Variants in LAMB4 observed in about 807,000 individuals in gnomAD.
LAMB4 encodes laminin subunit beta 4.
Under a neutral mutation model 199.2 loss-of-function variants are expected in LAMB4, and 196 were observed. That is an observed-to-expected ratio of 0.98 (90% confidence interval 0.88 to 1.11). The LOEUF is 1.11. Ranked by LOEUF, LAMB4 falls within the 50% of genes least tolerant of loss-of-function variation. LAMB4 has a pLI of 0.00. For synonymous variants in LAMB4, 744 were observed against 770.6 expected (o/e 0.97, Z 0.57); for missense variants, 2,080 against 2,171.2 (o/e 0.96, Z 0.83).
Position 108,043,555 on chromosome 7 carries a change from T to G in LAMB4, c.4471+197A>C, listed in dbSNP as rs1418333821. Among the ~76,000 whole-genome samples the G allele has an allele frequency of 2.6e-4, 3 of 11,432 alleles. 1 individual carries two copies. Among genetic ancestry groups the G allele is most frequent in the African/African-American group, 1.3e-3 (1 of 746 alleles). 7.5% of individuals were successfully genotyped at this position (11,432 alleles called of 152,430 possible). A position where few individuals can be genotyped will look rare whatever the true frequency, so the allele number is the denominator to read the frequency against. On this transcript the variant is annotated intron_variant, in intron 29 of 33. Coordinates refer to ENST00000388781, the MANE Select transcript of LAMB4 (RefSeq NM_007356.3). ...GGAACTGGCTATGATGTTTTTTTTT[T>G]TTTTTTTTTTTTTTTTTTTTTTTTT... is the stretch of plus-strand genomic sequence containing the variant.
At chr7:108,067,982 G>A (rs1195164237) in intron 19 of LAMB4, 34 bp downstream of exon 19, 4 of 1,613,606 alleles carry the variant, frequency 2.5e-6, no homozygotes, top group Non-Finnish European at 3.4e-6. Flanking sequence ...AAGACTGTGA[G>A]CAAGTGTTTC....
intron 11 of LAMB4, among the ~76,000 whole-genome samples, chr7:108,095,954 T>C (rs1040986144): frequency 5.9e-5 from 9 of 152,222 alleles, no homozygotes; most frequent in Non-Finnish European, 1.3e-4. Context: ...CTCTGTACAA[T>C]AGTATGTTAT....
At chr7:108,076,829 A>C in intron 17 of LAMB4, 115 bp downstream of exon 17, 1 of 1,207,508 alleles carries the variant, frequency 8.3e-7, no homozygotes, top group Non-Finnish European at 1.2e-6. Flanking sequence ...GGTGGCTTTT[A>C]TAATTGAGCA....
chr7:108,100,252 T>A (rs1297387096), intron 10 of LAMB4, among the ~76,000 whole-genome samples: 1 of 152,224 alleles, frequency 6.6e-6, no homozygotes, highest in Non-Finnish European at 1.5e-5. Context: ...TAGTTGAGTC[T>A]ACCAAATCTT....
Position 108,079,766 on chromosome 7 carries a change from C to A in LAMB4, c.1722G>T (p.Gln574His). 6.3e-7 allele frequency: 1 copy of A among 1,598,704 alleles called. No homozygotes were observed. The stretch of plus-strand genomic sequence containing the variant: ...CTAAAACAACGTGAACAGCAGGACT[C>A]TGGCCAAACGTCTCCGAGCCCTAAA... ...LAPLGSETFGQSPAVHVVLGE... is the reference protein window; with the variant it reads ...LAPLGSETFGHSPAVHVVLGE... Residue 574 changes from glutamine to histidine, a missense_variant, in exon 15 of 34, where the codon CAG becomes CAT. Physicochemically the swap from Gln to His is conservative, Grantham distance 24. Transcript: ENST00000388781.
chr7:108,103,838 T>G (rs999713478), intron 9 of LAMB4, among the ~76,000 whole-genome samples: 5 of 152,216 alleles, frequency 3.3e-5, no homozygotes, highest in Non-Finnish European at 5.9e-5. Flanking sequence ...GGCTGCATAT[T>G]CCCCGGTCTT....
the LAMB4 span, among the ~76,000 whole-genome samples, chr7:108,012,236 C>A: frequency 6.6e-6 from 1 of 151,840 alleles, no homozygotes; most frequent in Non-Finnish European, 1.5e-5. Flanking sequence ...TTCTAATTTT[C>A]TATTTCTATA....
intron 23 of LAMB4, among the ~76,000 whole-genome samples, chr7:108,060,793 A>G (rs1421046384): frequency 6.6e-6 from 1 of 152,270 alleles, no homozygotes; most frequent in East Asian, 1.9e-4. Flanking sequence ...GTAAGACAAC[A>G]GACAAATCTC....
At chr7:108,116,587 T>A (rs894836991) in intron 2 of LAMB4, among the ~76,000 whole-genome samples, 1 of 152,132 alleles carries the variant, frequency 6.6e-6, no homozygotes, top group African/African-American at 2.4e-5. Flanking sequence ...AAAACAAAAC[T>A]CTTTAATGTT....
intron 2 of LAMB4, among the ~76,000 whole-genome samples, chr7:108,121,556 C>T (rs2038598706): frequency 6.6e-6 from 1 of 152,040 alleles, no homozygotes; most frequent in Non-Finnish European, 1.5e-5. Flanking sequence ...TCAAGACCAG[C>T]CTGGCCAACA....
chr7:108,023,990 A>C lies in LAMB4; in HGVS notation c.*49T>G. On this transcript the variant is annotated 3_prime_UTR_variant, in exon 34 of 34. Transcript: ENST00000388781. ...GTTCAACAGAGCCCCAGGGGCTTGT[A>C]CATCAGAAACCAGAAACAAAGGCAC... is the stretch of plus-strand genomic sequence containing the variant. 1 of 1,532,088 alleles carries C rather than the reference A, an allele frequency of 6.5e-7. No individual in the cohort carries two copies. The highest frequency in any genetic ancestry group is 8.8e-7 in the Non-Finnish European group (1 of 1,136,736). 94.9% of individuals were successfully genotyped at this position (1,532,088 alleles called of 1,614,324 possible).
chr7:108,031,331 C>CA (rs60572529), intron 31 of LAMB4, among the ~76,000 whole-genome samples: 383 of 14,908 alleles, frequency 0.026, 4 homozygotes, highest in African/African-American at 0.089. Flanking sequence ...TCAACAATAA[C>CA]AAAAAAAAAA....
chr7:108,049,303 A>G (rs781544929), intron 27 of LAMB4, 23 bp downstream of exon 27: 1 of 1,310,266 alleles, frequency 7.6e-7, no homozygotes, highest in South Asian at 1.2e-5. Context: ...AAATGCTTTG[A>G]CCTTACCATC....
intron 26 of LAMB4, among the ~76,000 whole-genome samples, chr7:108,051,232 T>G (rs1483526099): frequency 6.6e-6 from 1 of 152,228 alleles, no homozygotes; most frequent in East Asian, 1.9e-4. Context: ...ACATCTTTGC[T>G]AGAATTTGTT....
chr7:108,108,706 A>C (rs1226247286), intron 5 of LAMB4, among the ~76,000 whole-genome samples: 10 of 151,786 alleles, frequency 6.6e-5, no homozygotes. Context: ...TACCAAAACG[A>C]GCATAAAGTC....
the LAMB4 span, among the ~76,000 whole-genome samples, chr7:108,015,526 G>A: frequency 6.6e-6 from 1 of 151,924 alleles, no homozygotes; most frequent in Admixed American, 6.6e-5. Context: ...TTTCTGTTTG[G>A]GTTATGACAA....
chr7:108,014,679 T>C, the LAMB4 span, among the ~76,000 whole-genome samples: 12 of 152,292 alleles, frequency 7.9e-5, no homozygotes, highest in South Asian at 2.1e-4. Flanking sequence ...ATAGAATGTA[T>C]GATGGCAGTC....
Position 108,062,781 on chromosome 7 carries a change from C to T in LAMB4, c.3275G>A (p.Cys1092Tyr). The T allele has an allele frequency of 7.0e-7, 1 of 1,429,642 alleles. No homozygotes were observed. The highest frequency in any genetic ancestry group is 1.7e-5 in the South Asian group (1 of 59,396). 88.6% of individuals were successfully genotyped at this position (1,429,642 alleles called of 1,614,324 possible). Reference sequence around the variant, plus strand: ...AGCTTTAAAGTATCTTGCCTGGTCACAGTGGCTACTTTGAGAGGTCCTAGG... The same window carrying T: ...AGCTTTAAAGTATCTTGCCTGGTCATAGTGGCTACTTTGAGAGGTCCTAGG... ...CDPRTSQSSH[C>Y]DQLTGQCPCK... The change falls in exon 23 of 34, where the codon TGT (cysteine) becomes TAT (tyrosine). Residue 1092 changes from cysteine to tyrosine, a missense_variant. Cys to Tyr is a radical substitution (Grantham distance 194). Coordinates refer to ENST00000388781, the MANE Select transcript of LAMB4 (RefSeq NM_007356.3).
intron 29 of LAMB4, among the ~76,000 whole-genome samples, chr7:108,041,921 C>A (rs1636957): frequency 0.22 from 33,270 of 152,094 alleles, 8,241 homozygotes; most frequent in African/African-American, 0.61. Context: ...AAGTGAAGTT[C>A]CTTCAATCAC....
Sources: allele counts gnomAD v4.1 joint callset (sites outside exome capture counted in the v4.1 genomes callset), GRCh38; gene constraint gnomAD v4.1.1; transcripts MANE v1.5; gene names NCBI Gene and HGNC (gene_info 2026-07-23, HGNC 2026-07-21).